Variants in ABCA2 observed in about 807,000 individuals in gnomAD.
The protein encoded by ABCA2 is ATP-binding cassette sub-family A member 2.
ABCA2 carries 84 observed loss-of-function variants against 262.8 expected under a neutral mutation model. The ratio of observed to expected loss-of-function variants is 0.32; its 90% confidence interval spans 0.27 to 0.38. ABCA2 has a LOEUF of 0.38. Ranked by LOEUF, ABCA2 falls within the 10% of genes least tolerant of loss-of-function variation. ABCA2 has a pLI of 1.00. For synonymous variants in ABCA2, 1,696 were observed against 1,502.9 expected (o/e 1.13, Z -2.97); for missense variants, 2,662 against 3,405.9 (o/e 0.78, Z 5.44).
chr9:137,015,266 G>A lies in ABCA2; in HGVS notation c.3697+148C>T, dbSNP rs753863968. On this transcript the variant is annotated intron_variant, in intron 24 of 48. Coordinates refer to ENST00000341511, the MANE Select transcript of ABCA2 (RefSeq NM_001606.5). ...TGAGGACCCAGCCTCTCCAAGATAC[G>A]GGCGTTGCAGAGGGCGGGCCAGGCC... The A allele has an allele frequency of 3.5e-4, 417 of 1,199,876 alleles. No individual in the cohort carries two copies. In the Middle Eastern group the frequency reaches 3.5e-3, roughly 10 times the overall value. 74.3% of individuals were successfully genotyped at this position (1,199,876 alleles called of 1,614,324 possible). A position where few individuals can be genotyped will look rare whatever the true frequency, so the allele number is the denominator to read the frequency against.
At chr9:137,009,262 T>G in intron 45 of ABCA2, 108 bp downstream of exon 45, 6 of 196,324 alleles carry the variant, frequency 3.1e-5, no homozygotes, top group East Asian at 7.7e-5. Flanking sequence ...CCAGCCCCCC[T>G]GGCCCCACAG....
Position 137,010,055 on chromosome 9 carries a change from G to C in ABCA2, c.6423C>G (p.Asp2141Glu). 6.2e-7 allele frequency: 1 copy of C among 1,601,354 alleles called. No homozygotes were observed. Among genetic ancestry groups the C allele is most frequent in the Non-Finnish European group, 8.5e-7 (1 of 1,177,046 alleles). Residue 2141 changes from aspartate (D) to glutamate (E), a missense_variant, in exon 42 of 49, where the codon GAC (aspartate) becomes GAG (glutamate). Asp to Glu is a conservative substitution (Grantham distance 45, BLOSUM62 2). Around this residue, in one of 12 missense-constraint regions of ABCA2, gnomAD observed 602 missense variants for 897.4 expected, o/e 0.67. Coordinates refer to ENST00000341511, the MANE Select transcript of ABCA2 (RefSeq NM_001606.5). ...GCAGGTGCTCCCGGGCCGTGAGCTC[G>C]TCGAACAGCGCGTCACACTGCGGGC... ...GYCPQCDALFDELTAREHLQL... is the reference protein window; with the variant it reads ...GYCPQCDALFEELTAREHLQL...
Position 137,008,998 on chromosome 9 carries a change from C to T in ABCA2, c.6883G>A (p.Asp2295Asn), listed in dbSNP as rs1247657596. The change falls in exon 46 of 49, where the codon GAC becomes AAC. Residue 2295 changes from aspartate to asparagine, a missense_variant. Physicochemically the swap from Asp to Asn is conservative, Grantham distance 23 (BLOSUM62 1). Coordinates refer to ENST00000341511, the MANE Select transcript of ABCA2 (RefSeq NM_001606.5). ...VRTKSSQSVK[D>N]VVRFFNRNFP... is the part of the protein sequence containing the mutation. ...TTGCGGTTGAAGAACCGCACCACGT[C>T]CTTCACACTCTGGCTGCTCTTGGTC... The T allele has an allele frequency of 2.5e-6, 4 of 1,608,832 alleles. No homozygotes were observed. The highest frequency in any genetic ancestry group is 1.3e-5 in the African/African-American group (1 of 74,678).
rs761778459 is a variant in ABCA2 at position 137,016,219 on chromosome 9, C to A, written c.3105-45G>T. 3.1e-6 allele frequency: 5 copies of A among 1,610,400 alleles called. No individual in the cohort carries two copies. In the African/African-American group the frequency reaches 6.7e-5, roughly 22 times the overall value. ...CATGACCCCACGCCCTCTGCAGGGG[C>A]CCCACCCTGCCCTGACTAGGACTCC... On this transcript the variant is annotated intron_variant, in intron 21 of 48. Transcript: ENST00000341511.
Position 137,022,972 on chromosome 9 carries a change from C to T in ABCA2, c.244G>A (p.Glu82Lys), listed in dbSNP as rs768460493. ...QSLCPDGQRD[E>K]FGFLQYANST... ...TTGGCGTACTGCAGGAAGCCGAACT[C>T]GTCTCGCTGGCCGTCCGGGCACAGC... The change falls in exon 4 of 49, where the codon GAG becomes AAG. Residue 82 changes from glutamate to lysine, a missense_variant. Glu to Lys is a moderately conservative substitution (Grantham distance 56). Transcript: ENST00000341511. 1.9e-6 allele frequency: 3 copies of T among 1,588,818 alleles called. No individual in the cohort carries two copies. The highest frequency in any genetic ancestry group is 1.7e-4 in the Middle Eastern group (1 of 5,944).
chr9:137,017,793 G>A lies in ABCA2; in HGVS notation c.2205C>T (p.Leu735=). The A allele has an allele frequency of 6.2e-7, 1 of 1,612,438 alleles. No homozygotes were observed. The highest frequency in any genetic ancestry group is 8.5e-7 in the Non-Finnish European group (1 of 1,179,786). Residue 735 remains leucine, a synonymous_variant, in exon 16 of 49, where the codon CTC becomes CTT. Transcript: ENST00000341511. ...AGAGTCCCGGCCCGCGCACCTCCTT[G>A]AGCCGGTGCTCCTTCTCCGCCACGA... ...QHIVAEKEHR[L]KEVMKTMGLN...
rs139373312 is a variant in ABCA2, at chr9:137,017,914, C to G, written c.2097-13G>C. 31 of 1,612,196 alleles carry G rather than the reference C, an allele frequency of 1.9e-5. No individual in the cohort carries two copies. The African/African-American group carries it at 2.4e-4, about 12-fold the overall frequency. ...GACAAACAGGAAGCTGCGGGGAGGC[C>G]GCGCTCAGGCGCCACTCAGCCCCAG... On this transcript the variant is annotated splice_polypyrimidine_tract_variant and intron_variant, in intron 15 of 48. Transcript: ENST00000341511.
chr9:137,024,094 G>C, intron 2 of ABCA2, 49 bp downstream of exon 2: 6 of 1,564,910 alleles, frequency 3.8e-6, no homozygotes, highest in Non-Finnish European at 5.2e-6. Flanking sequence ...GCAGGCGTGC[G>C]AGGTGCCGCG....
At chr9:137,010,544 C>A in intron 40 of ABCA2, 76 bp downstream of exon 40, 1 of 1,538,782 alleles carries the variant, frequency 6.5e-7, no homozygotes, top group Non-Finnish European at 9.0e-7. Flanking sequence ...CCAGGCTCCA[C>A]CTCCACTGCT....
At position 137,020,975 on chromosome 9, in the gene ABCA2, C is replaced by T. The variant is rs1201912079; in HGVS notation, c.984G>A (p.Leu328=). ...CATCCTGCAGAACCTTCTGGGCATC[C>T]AGCAGGTCCCCCAGAAGCGCCTGCA... ...RRLQALLGDL[L]DAQKVLQDVD... Residue 328 remains leucine (L), a synonymous_variant, in exon 9 of 49, where the codon CTG becomes CTA. Coordinates refer to ENST00000341511, the MANE Select transcript of ABCA2 (RefSeq NM_001606.5). 3 of 1,541,748 alleles carry T rather than the reference C, an allele frequency of 1.9e-6. No homozygotes were observed. Among genetic ancestry groups the T allele is most frequent in the South Asian group, 1.2e-5 (1 of 82,786 alleles).
At position 137,017,641 on chromosome 9, in the gene ABCA2, T is replaced by A. The variant is rs1831309391; in HGVS notation, c.2263A>T (p.Ile755Phe). The stretch of plus-strand genomic sequence containing the variant: ...ATGGACAGCTGCACAAAGCCGGTGA[T>A]GAACCAGGCCACCCAGTGCACCGCG... ...NNAVHWVAWF[I>F]TGFVQLSISV... The change falls in exon 17 of 49, where the codon ATC (isoleucine) becomes TTC (phenylalanine). Residue 755 changes from isoleucine (I) to phenylalanine (F), a missense_variant. Coordinates refer to ENST00000341511, the MANE Select transcript of ABCA2 (RefSeq NM_001606.5). 2 of 1,612,584 alleles carry A rather than the reference T, an allele frequency of 1.2e-6. No individual in the cohort carries two copies. The highest frequency in any genetic ancestry group is 2.7e-5 in the African/African-American group (2 of 74,944).
Position 137,009,438 on chromosome 9 carries a change from G to A in ABCA2, c.6759C>T (p.Cys2253=). The A allele has an allele frequency of 6.2e-7, 1 of 1,610,190 alleles. No individual in the cohort carries two copies. The highest frequency in any genetic ancestry group is 8.5e-7 in the Non-Finnish European group (1 of 1,179,708). ...CGTTCACCATGATGGCCAGCCGCGT[G>A]CACAGCGCCTCGCACTCCTCCATGC... ...SHSMEECEAL[C]TRLAIMVNGR... is the part of the protein sequence containing the mutation. Residue 2253 remains cysteine (C), a synonymous_variant, in exon 45 of 49, where the codon TGC becomes TGT. Transcript: ENST00000341511.
chr9:137,008,708 C>A, intron 47 of ABCA2, 23 bp downstream of exon 47: 1 of 1,568,370 alleles, frequency 6.4e-7, no homozygotes, highest in Non-Finnish European at 8.6e-7. Context: ...AGGTGTGGTG[C>A]GCAGTGCCCT....
Position 137,007,662 on chromosome 9 carries a change from C to T in ABCA2, c.*267G>A, listed in dbSNP as rs1212601266. 10 of 559,646 alleles carry T rather than the reference C, an allele frequency of 1.8e-5. No individual in the cohort carries two copies. Among genetic ancestry groups the T allele is most frequent in the East Asian group, 3.1e-5 (1 of 31,886 alleles). 34.7% of individuals were successfully genotyped at this position (559,646 alleles called of 1,614,324 possible). A position where few individuals can be genotyped will look rare whatever the true frequency, so the allele number is the denominator to read the frequency against. ...GCAGTGCCAGGCAGGGGCGAGGGGCCGGGCAGACCCCGAGGCTTTAAGGCA... is the reference window on the plus strand; with the variant it reads ...GCAGTGCCAGGCAGGGGCGAGGGGCTGGGCAGACCCCGAGGCTTTAAGGCA... On this transcript the variant is annotated 3_prime_UTR_variant, in exon 49 of 49. Transcript: ENST00000341511.
intron 39 of ABCA2, 39 bp from the exon 40 acceptor site, chr9:137,010,776 C>A (rs774683678): frequency 3.2e-6 from 5 of 1,573,180 alleles, no homozygotes; most frequent in Non-Finnish European, 4.4e-6. Context: ...CAGCTCGCCA[C>A]CCCCACTGCC....
At chr9:137,012,238 C>G (rs763818238) in intron 33 of ABCA2, 27 bp downstream of exon 33, 2 of 1,588,824 alleles carry the variant, frequency 1.3e-6, no homozygotes, top group Non-Finnish European at 8.6e-7. Context: ...CTCCCCGCCC[C>G]GCCCCGCCCT....
In ABCA2 at chr9:137,021,973, G is replaced by A; in HGVS notation, c.596C>T (p.Ser199Phe). 2.5e-6 allele frequency: 4 copies of A among 1,601,210 alleles called. No individual in the cohort carries two copies. The highest frequency in any genetic ancestry group is 3.4e-6 in the Non-Finnish European group (4 of 1,175,418). Residue 199 changes from serine (S) to phenylalanine (F), a missense_variant, in exon 7 of 49, where the codon TCT becomes TTT. By Grantham distance (155) the Ser-to-Phe change is radical (BLOSUM62 -2). This residue lies in a region of ABCA2 where 403 missense variants were observed against 375.9 expected (regional missense o/e 1.07). Transcript: ENST00000341511. This position sits in a 1 kb window ranked among gnomAD's most constrained non-coding sequence, Gnocchi z 6.0. ...EVYHLLFGPS[S>F]ALDSQSGLHK... Reference sequence around the variant, plus strand: ...GAGGCCAGACTGTGAATCCAGGGCAGATGAGGGACCAAAGAGCAGGTGGTA... The same window carrying A: ...GAGGCCAGACTGTGAATCCAGGGCAAATGAGGGACCAAAGAGCAGGTGGTA...
In ABCA2 at chr9:137,021,978, G is replaced by A. The variant is rs374444715; in HGVS notation, c.591C>T (p.Pro197=). ...PPEVYHLLFG[P]SSALDSQSGL... ...CAGACTGTGAATCCAGGGCAGATGA[G>A]GGACCAAAGAGCAGGTGGTAGACCT... Residue 197 remains proline, a synonymous_variant, in exon 7 of 49, where the codon CCC becomes CCT. Transcript: ENST00000341511. The surrounding 1 kb of genome is among the most constrained non-coding windows in gnomAD (Gnocchi z 6.0). The A allele has an allele frequency of 9.7e-5, 156 of 1,601,402 alleles. No homozygotes were observed. The African/African-American group carries it at 2.0e-3, about 20-fold the overall frequency.
chr9:137,023,157 A>G (rs535634342), intron 3 of ABCA2, 105 bp from the exon 4 acceptor site: 1 of 927,768 alleles, frequency 1.1e-6, no homozygotes, highest in African/African-American at 1.6e-5. Flanking sequence ...AAATTTAGAG[A>G]AAGTCAGGAA....
Sources: gnomAD v4.1 joint callset for allele counts on GRCh38, gnomAD v4.1.1 for gene constraint, gnomAD v4.1.1 regional missense constraint, Gnocchi (gnomAD v3.1) non-coding constraint, MANE v1.5 for transcripts, NCBI Gene and HGNC (gene_info 2026-07-23, HGNC 2026-07-21) for gene names.